ANKRD26: variants seen among roughly 807,000 people sequenced by gnomAD.
ANKRD26 encodes ankyrin repeat domain-containing protein 26.
A neutral mutation model predicts 208.7 loss-of-function variants in ANKRD26; 141 were observed. The observed-to-expected ratio is 0.68, with a 90% CI of 0.59 to 0.78. ANKRD26 has a LOEUF of 0.78. Ranked by LOEUF, ANKRD26 falls within the 30% of genes least tolerant of loss-of-function variation. The pLI, the probability that ANKRD26 is intolerant of heterozygous loss-of-function variation, is 0.00. For synonymous variants in ANKRD26, 636 were observed against 660.4 expected (o/e 0.96, Z 0.57); for missense variants, 1,889 against 1,938.7 (o/e 0.97, Z 0.48).
intron 13 of ANKRD26, 112 bp from the exon 14 acceptor site, chr10:27,060,652 T>C: frequency 1.2e-6 from 1 of 862,248 alleles, no homozygotes; most frequent in Non-Finnish European, 1.8e-6. Flanking sequence ...TGAAAATGAT[T>C]ATGTTAATTT....
rs80183934 is a variant in ANKRD26, at chr10:27,020,377, G to A, written c.4215+2181C>T. On this transcript the variant is annotated intron_variant, in intron 29 of 33. Transcript: ENST00000376087. ...TCGCCCTGTGGTGCTATAGAACACC[G>A]GAATGCATTCCTCCTAGCTAGCTCT... 2.5e-3 allele frequency among the ~76,000 whole-genome samples: 375 copies of A among 151,958 alleles called. 2 individuals are homozygous for A. Among genetic ancestry groups the A allele is most frequent in the African/African-American group, 8.5e-3 (354 of 41,452 alleles).
At chr10:27,050,244 A>AGG in intron 16 of ANKRD26, among the ~76,000 whole-genome samples, 1 of 134,286 alleles carries the variant, frequency 7.4e-6, no homozygotes, top group African/African-American at 3.7e-5. Flanking sequence ...AAAAAAAAAA[A>AGG]AAAGAAAGAA....
At chr10:26,950,533 G>C in the ANKRD26 span, among the ~76,000 whole-genome samples, 1 of 152,284 alleles carries the variant, frequency 6.6e-6, no homozygotes, top group African/African-American at 2.4e-5. Flanking sequence ...ACTTGGTGCT[G>C]TCCCACTGAT....
At chr10:27,082,905 T>A (rs1345393294) in intron 5 of ANKRD26, 72 bp from the exon 6 acceptor site, 1 of 1,514,398 alleles carries the variant, frequency 6.6e-7, no homozygotes, top group African/African-American at 1.4e-5. Flanking sequence ...AGCATAAGAC[T>A]GATAGTTTGT....
chr10:27,053,342 C>T lies in ANKRD26; in HGVS notation c.1613G>A (p.Gly538Glu), dbSNP rs2054728361. 1 of 1,610,284 alleles carries T rather than the reference C, an allele frequency of 6.2e-7. No homozygotes were observed. Among genetic ancestry groups the T allele is most frequent in the Non-Finnish European group, 8.5e-7 (1 of 1,178,398 alleles). The change falls in exon 16 of 34, where the codon GGG (glycine) becomes GAG (glutamate). Residue 538 changes from glycine to glutamate, a missense_variant. Gly to Glu is a moderately conservative substitution (Grantham distance 98, BLOSUM62 -2). This residue lies in a region of ANKRD26 where 1,272 missense variants were observed against 1,273.8 expected (regional missense o/e 1.00). Coordinates refer to ENST00000376087, the MANE Select transcript of ANKRD26 (RefSeq NM_014915.3). ...VASEEEQERE[G>E]SENNQPQVEE... ...TACCTGTGGCTGGTTATTTTCACTC[C>T]CTTCCCTTTCTTGCTCTTCTTCTGA...
rs183564840 is a variant in ANKRD26 at position 27,037,303 on chromosome 10, G to A, written c.2580C>T (p.Asp860=). The A allele has an allele frequency of 4.3e-5, 69 of 1,613,752 alleles. No homozygotes were observed. The highest frequency in any genetic ancestry group is 2.0e-4 in the Admixed American group (12 of 60,014). ...GTTCTCGAGAAAGTTGCCTCTGAGC[G>A]TCATTTCGCTCTTGAACGACCTAGA... ...NLNQVVQERN[D]AQRQLSREQN... The change falls in exon 23 of 34, where the codon GAC becomes GAT. Residue 860 remains aspartate, a synonymous_variant. Coordinates refer to ENST00000376087, the MANE Select transcript of ANKRD26 (RefSeq NM_014915.3).
At chr10:26,955,731 CACTTTCTAAGGGAT>C in the ANKRD26 span, among the ~76,000 whole-genome samples, 1 of 152,106 alleles carries the variant, frequency 6.6e-6, no homozygotes, top group Non-Finnish European at 1.5e-5. Flanking sequence ...AAGAACCATA[CACTTTCTAAGGGAT>C]ATTAGTCCTG....
At position 26,976,895 on chromosome 10, in the gene ANKRD26, G is replaced by A. The variant is rs144372890; in HGVS notation, c.*282-853C>T. Reference sequence around the variant, plus strand: ...TGGTCACAGCCAAGGAACCTCACACGTAAGAAATCCACTATTTTCAGAGGA... The same window carrying A: ...TGGTCACAGCCAAGGAACCTCACACATAAGAAATCCACTATTTTCAGAGGA... On this transcript the variant is annotated intron_variant and NMD_transcript_variant, in intron 5 of 5. Transcript: ENST00000674670. Among the ~76,000 whole-genome samples the A allele has an allele frequency of 2.6e-3, 395 of 152,178 alleles. 1 individual carries two copies. Among genetic ancestry groups the A allele is most frequent in the African/African-American group, 9.3e-3 (384 of 41,506 alleles).
chr10:26,970,568 T>A (rs1472745763), downstream of ANKRD26, among the ~76,000 whole-genome samples: 1 of 152,218 alleles, frequency 6.6e-6, no homozygotes, highest in African/African-American at 2.4e-5. Context: ...GCTACTATAC[T>A]TCCCATACAG....
chr10:27,086,486 C>T, intron 5 of ANKRD26, 53 bp downstream of exon 5: 5 of 1,590,454 alleles, frequency 3.1e-6, no homozygotes, highest in Non-Finnish European at 4.3e-6. Flanking sequence ...CTTACTTTTA[C>T]TTTTTTATCC....
intron 25 of ANKRD26, 94 bp downstream of exon 25, chr10:27,033,131 C>A: frequency 8.3e-6 from 7 of 842,630 alleles, no homozygotes; most frequent in Admixed American, 7.2e-5. Context: ...AATGAAAACA[C>A]AAAAGAAGGC....
downstream of ANKRD26, among the ~76,000 whole-genome samples, chr10:26,989,673 C>T (rs1258760801): frequency 2.0e-5 from 3 of 152,108 alleles, no homozygotes; most frequent in Non-Finnish European, 4.4e-5. Context: ...TGAGGGGTGT[C>T]CTTGCAGGGT....
intron 9 of ANKRD26, among the ~76,000 whole-genome samples, chr10:27,074,197 C>T (rs903094338): frequency 6.6e-6 from 1 of 151,938 alleles, no homozygotes; most frequent in African/African-American, 2.4e-5. Flanking sequence ...CTTTGAAATA[C>T]CAGATAAAGA....
the ANKRD26 span, among the ~76,000 whole-genome samples, chr10:26,948,720 G>A: frequency 6.6e-6 from 1 of 152,206 alleles, no homozygotes. Flanking sequence ...AAGTGTGCTG[G>A]CTCACGCCTG....
intron 4 of ANKRD26, among the ~76,000 whole-genome samples, chr10:27,089,937 A>G (rs947956364): frequency 6.6e-6 from 1 of 152,242 alleles, no homozygotes; most frequent in Non-Finnish European, 1.5e-5. Flanking sequence ...CAACTGATGT[A>G]TAAGATGCAA....
intron 4 of ANKRD26, among the ~76,000 whole-genome samples, chr10:27,091,094 A>AAATAATAATAAT (rs35067345): frequency 3.3e-5 from 5 of 151,374 alleles, no homozygotes; most frequent in African/African-American, 1.2e-4. Flanking sequence ...ACCCTGTCTC[A>AAATAATAATAAT]AATAATAATA....
chr10:27,081,356 T>G (rs567637970), intron 6 of ANKRD26, among the ~76,000 whole-genome samples: 3 of 152,328 alleles, frequency 2.0e-5, no homozygotes, highest in East Asian at 3.9e-4. Flanking sequence ...CTGGCCTTCC[T>G]CTGCTAATTC....
intron 31 of ANKRD26, among the ~76,000 whole-genome samples, chr10:27,013,997 T>A (rs1437069288): frequency 6.6e-5 from 10 of 152,164 alleles, no homozygotes; most frequent in Non-Finnish European, 1.5e-5. Context: ...GTAGAAAAAC[T>A]ATACAGGGTA....
At chr10:26,992,541 C>T (rs1854645) in intron 5 of ANKRD26, among the ~76,000 whole-genome samples, 3,141 of 151,330 alleles carry the variant, frequency 0.021, 169 homozygotes, top group East Asian at 0.17. Flanking sequence ...CCCAGATTTA[C>T]AGCAAAATGG....
Sources: allele counts gnomAD v4.1 joint callset (sites outside exome capture counted in the v4.1 genomes callset), GRCh38; gene constraint gnomAD v4.1.1; regional missense constraint gnomAD v4.1.1; transcripts MANE v1.5; gene names NCBI Gene and HGNC (gene_info 2026-07-23, HGNC 2026-07-21).